KIF16B: variants seen among roughly 807,000 people sequenced by gnomAD.
The protein encoded by KIF16B is kinesin-like protein KIF16B.
Under a neutral mutation model 156.3 loss-of-function variants are expected in KIF16B, and 98 were observed. The observed-to-expected ratio is 0.63, with a 90% CI of 0.53 to 0.74. The LOEUF is 0.74. KIF16B is among the 30% of genes least tolerant of loss of function. The probability of loss-of-function intolerance (pLI) is 0.00; values close to 1 mark genes in which losing one functional copy is unlikely to be tolerated. For missense variants in KIF16B, 1,421 were observed against 1,606.5 expected (o/e 0.88, Z 1.97); for synonymous variants, 564 against 583.7 (o/e 0.97, Z 0.49).
In KIF16B at chr20:16,273,084, A is replaced by G; in HGVS notation, c.*169T>C. On this transcript the variant is annotated 3_prime_UTR_variant, in exon 26 of 26. Transcript: ENST00000354981. ...TCAGCAGGCAGAGCATCCCATCCCC[A>G]AACTCAGGCACTAGGTATGGAAACG... The G allele has an allele frequency of 1.6e-6, 1 of 631,568 alleles. No individual in the cohort carries two copies. Among genetic ancestry groups the G allele is most frequent in the Non-Finnish European group, 2.8e-6 (1 of 354,408 alleles). 39.1% of individuals were successfully genotyped at this position (631,568 alleles called of 1,614,324 possible).
In KIF16B at chr20:16,506,198, A is replaced by C. The variant is rs769032167; in HGVS notation, c.700-8T>G. 6.2e-7 allele frequency: 1 copy of C among 1,613,688 alleles called. No homozygotes were observed. The highest frequency in any genetic ancestry group is 8.5e-7 in the Non-Finnish European group (1 of 1,179,574). ...TTCAGAATCAAATTTAGCCTGTGGT[A>C]AAATAAAAAAGTAAAATTGAAGAGG... On this transcript the variant is annotated splice_polypyrimidine_tract_variant and splice_region_variant and intron_variant, in intron 7 of 25. Transcript: ENST00000354981.
chr20:16,486,386 A>C (rs759719398), intron 12 of KIF16B, among the ~76,000 whole-genome samples: 1 of 152,212 alleles, frequency 6.6e-6, no homozygotes, highest in Non-Finnish European at 1.5e-5. Context: ...TTTCCTTCTG[A>C]ACATAGGTAG....
chr20:16,378,539 G>C (rs993356580), intron 19 of KIF16B, among the ~76,000 whole-genome samples: 1 of 152,106 alleles, frequency 6.6e-6, no homozygotes, highest in Admixed American at 6.5e-5. Context: ...AGGACAGTGG[G>C]ATAATGTACA....
intron 10 of KIF16B, among the ~76,000 whole-genome samples, chr20:16,500,730 C>A (rs1269107001): frequency 6.6e-6 from 1 of 152,142 alleles, no homozygotes; most frequent in Non-Finnish European, 1.5e-5. Flanking sequence ...TCCATTCTTA[C>A]AAACACCATA....
At chr20:16,566,563 C>G (rs917736952) in intron 1 of KIF16B, among the ~76,000 whole-genome samples, 1 of 152,188 alleles carries the variant, frequency 6.6e-6, no homozygotes, top group Non-Finnish European at 1.5e-5. Flanking sequence ...CAGCACTGTA[C>G]GAAATGCTAC....
chr20:16,484,509 G>T (rs368833433), intron 12 of KIF16B, among the ~76,000 whole-genome samples: 1 of 152,320 alleles, frequency 6.6e-6, no homozygotes, highest in East Asian at 1.9e-4. Flanking sequence ...GAAATTAGCA[G>T]CCAGAGTCTA....
intron 23 of KIF16B, among the ~76,000 whole-genome samples, chr20:16,345,778 G>A (rs1266729638): frequency 1.3e-5 from 2 of 152,230 alleles, no homozygotes; most frequent in Non-Finnish European, 2.9e-5. Flanking sequence ...GCTTAGTAAG[G>A]TGGCAGCACT....
In KIF16B at chr20:16,319,720, C is replaced by T. The variant is rs993993688; in HGVS notation, c.3712-7302G>A. Among the ~76,000 whole-genome samples the T allele has an allele frequency of 5.3e-5, 8 of 152,312 alleles. No homozygotes were observed. The East Asian group carries it at 5.8e-4, about 11-fold the overall frequency. On this transcript the variant is annotated intron_variant, in intron 24 of 25. Coordinates refer to ENST00000354981, the MANE Select transcript of KIF16B (RefSeq NM_024704.5). The stretch of plus-strand genomic sequence containing the variant: ...GGGCCAGTCTTGAGGAAGGTCTCCA[C>T]GCTTTTGAGCGTTTTACTTCCAGGA...
At chr20:16,300,888 T>G (rs1428165710) in intron 25 of KIF16B, among the ~76,000 whole-genome samples, 1 of 152,192 alleles carries the variant, frequency 6.6e-6, no homozygotes, top group Non-Finnish European at 1.5e-5. Context: ...CTTGTTGTAC[T>G]TTCTATGGGG....
intron 1 of KIF16B, among the ~76,000 whole-genome samples, chr20:16,538,365 T>C (rs2070059723): frequency 6.6e-6 from 1 of 152,222 alleles, no homozygotes; most frequent in Admixed American, 6.5e-5. Context: ...TCTTCTTATA[T>C]TGTAGAAAAT....
intron 23 of KIF16B, among the ~76,000 whole-genome samples, chr20:16,336,377 C>A (rs1376932335): frequency 6.6e-6 from 1 of 152,066 alleles, no homozygotes; most frequent in East Asian, 1.9e-4. Flanking sequence ...TATAATAACA[C>A]AACAGTATAT....
chr20:16,511,267 T>C (rs965798705), intron 6 of KIF16B, 151 bp downstream of exon 6: 13 of 439,554 alleles, frequency 3.0e-5, no homozygotes, highest in Non-Finnish European at 4.5e-5. Flanking sequence ...CGGAACATCA[T>C]GTAGTGACAG....
chr20:16,505,528 A>G lies in KIF16B; in HGVS notation c.1000+194T>C, dbSNP rs117843728. On this transcript the variant is annotated intron_variant, in intron 9 of 25. Transcript: ENST00000354981. ...AGCTTCCAAAATATGGCAAGGTGGT[A>G]TAACAGTTAATGATGATACTATAGA... 3.9e-3 allele frequency among the ~76,000 whole-genome samples: 598 copies of G among 152,364 alleles called. 5 individuals are homozygous for G. The highest frequency in any genetic ancestry group is 0.022 in the East Asian group (116 of 5,192).
chr20:16,487,172 G>T (rs768011406), intron 12 of KIF16B, among the ~76,000 whole-genome samples: 1 of 151,958 alleles, frequency 6.6e-6, no homozygotes, highest in African/African-American at 2.4e-5. Context: ...AGAATGGCAT[G>T]AATCCGGAGG....
intron 13 of KIF16B, among the ~76,000 whole-genome samples, chr20:16,429,428 T>C (rs1208719745): frequency 2.0e-5 from 3 of 152,186 alleles, no homozygotes; most frequent in Non-Finnish European, 4.4e-5. Flanking sequence ...CATCCATTAA[T>C]ACTGATGTGG....
intron 1 of KIF16B, among the ~76,000 whole-genome samples, chr20:16,533,491 C>A (rs2069834827): frequency 6.6e-6 from 1 of 152,138 alleles, no homozygotes; most frequent in Non-Finnish European, 1.5e-5. Context: ...CTTAGGTTTA[C>A]CCTTATGAAA....
intron 12 of KIF16B, among the ~76,000 whole-genome samples, chr20:16,450,625 C>T (rs2067054508): frequency 1.3e-5 from 2 of 152,182 alleles, no homozygotes. Flanking sequence ...ATTGTCACGA[C>T]GTGCTGTCTC....
At chr20:16,396,825 C>A (rs1248282596) in intron 17 of KIF16B, among the ~76,000 whole-genome samples, 1 of 152,114 alleles carries the variant, frequency 6.6e-6, no homozygotes, top group Non-Finnish European at 1.5e-5. Context: ...CTGATGCTAA[C>A]CAAACCCCCT....
chr20:16,283,215 G>A (rs1468422571), intron 25 of KIF16B, among the ~76,000 whole-genome samples: 4 of 152,140 alleles, frequency 2.6e-5, no homozygotes, highest in African/African-American at 4.8e-5. Flanking sequence ...AGAAAATTCC[G>A]GCTCCACCCC....
Sources: allele counts gnomAD v4.1 joint callset (sites outside exome capture counted in the v4.1 genomes callset), GRCh38; gene constraint gnomAD v4.1.1; transcripts MANE v1.5; gene names NCBI Gene and HGNC (gene_info 2026-07-23, HGNC 2026-07-21).